Variants in IGFALS observed in about 807,000 individuals in gnomAD.
The protein encoded by IGFALS is insulin like growth factor binding protein acid labile subunit, also known as insulin-like growth factor-binding protein complex acid labile subunit.
IGFALS carries 2 observed loss-of-function variants against 2.6 expected under a neutral mutation model. The observed-to-expected ratio is 0.77, with a 90% CI of 0.32 to 2.44. The LOEUF (loss-of-function observed/expected upper bound fraction) is 2.44. Among genes scored for constraint, IGFALS ranks in the 30% most tolerant of loss-of-function variants. IGFALS has a pLI of 0.11. For synonymous variants in IGFALS, 519 were observed against 431.9 expected (o/e 1.20, Z -2.50); for missense variants, 996 against 848.7 (o/e 1.17, Z -2.16).
upstream of IGFALS, among the ~76,000 whole-genome samples, chr16:1,794,282 G>A (rs1897290057): frequency 1.3e-5 from 2 of 152,298 alleles, no homozygotes; most frequent in East Asian, 1.9e-4. Context: ...TGACCCCAGG[G>A]GCGCTGGTGT....
rs149363538 is a variant in IGFALS, at chr16:1,791,974, C to T, written c.444G>A (p.Leu148=). 3.3e-4 allele frequency: 536 copies of T among 1,603,322 alleles called. No individual in the cohort carries two copies. The highest frequency in any genetic ancestry group is 4.5e-4 in the Non-Finnish European group (528 of 1,176,842). The change falls in exon 2 of 2, where the codon CTG becomes CTA. Residue 148 remains leucine (L), a synonymous_variant. Transcript: ENST00000215539. Reference sequence around the variant, plus strand: ...GGTTGTTGCTGAGGCCGAGCGAGGCCAGCGCGGGCGTGTGTGCAAACGTGC... The same window carrying T: ...GGTTGTTGCTGAGGCCGAGCGAGGCTAGCGCGGGCGTGTGTGCAAACGTGC... The part of the protein sequence containing the change: ...ALGTFAHTPA[L]ASLGLSNNRL...
rs1897206409 is a variant in IGFALS at position 1,790,915 on chromosome 16, G to A, written c.1503C>T (p.Leu501=). 6.3e-7 allele frequency: 1 copy of A among 1,588,992 alleles called. No individual in the cohort carries two copies. The highest frequency in any genetic ancestry group is 8.5e-7 in the Non-Finnish European group (1 of 1,173,890). Residue 501 remains leucine (L), a synonymous_variant, in exon 2 of 2, where the codon CTC becomes CTT. Transcript: ENST00000215539. Reference sequence around the variant, plus strand: ...AGCGCAGCCGCCCCAGTGGTGCCAAGAGGCTGTTGGGCAATGCCTCCAGGC... The same window carrying A: ...AGCGCAGCCGCCCCAGTGGTGCCAAAAGGCTGTTGGGCAATGCCTCCAGGC... The part of the protein sequence containing the change: ...HNRLEALPNS[L]LAPLGRLRYL...
chr16:1,793,549 TG>T (rs1444556312), intron 1 of IGFALS, 87 bp downstream of exon 1: 11 of 1,337,490 alleles, frequency 8.2e-6, no homozygotes, highest in African/African-American at 1.5e-5. Flanking sequence ...AGAGCTTCCT[TG>T]GGGGCTACCC....
rs757471986 is a variant in IGFALS, at chr16:1,792,408, G to T, written c.17-7C>A. On this transcript the variant is annotated splice_region_variant and splice_polypyrimidine_tract_variant and intron_variant, in intron 1 of 1. Transcript: ENST00000215539. Reference sequence around the variant, plus strand: ...AGCGCCAGGGCCAGGCCTCCTGCGGGGGGAGAGGCTTGGGGAGGCGGCCCG... The same window carrying T: ...AGCGCCAGGGCCAGGCCTCCTGCGGTGGGAGAGGCTTGGGGAGGCGGCCCG... The T allele has an allele frequency of 2.6e-6, 4 of 1,557,908 alleles. No individual in the cohort carries two copies. In the East Asian group the frequency reaches 6.8e-5, roughly 26 times the overall value.
intron 1 of IGFALS, among the ~76,000 whole-genome samples, chr16:1,792,923 A>C (rs1008978342): frequency 6.6e-6 from 1 of 152,148 alleles, no homozygotes; most frequent in African/African-American, 2.4e-5. Flanking sequence ...ACCTGCCTGC[A>C]TCCAGGCCTT....
chr16:1,792,202 G>A lies in IGFALS; in HGVS notation c.216C>T (p.Val72=). The part of the protein sequence containing the change: ...SRNLTRLPDG[V]PGGTQALWLD... ...GCCACAGGGCTTGGGTGCCGCCCGG[G>A]ACTCCATCAGGCAGGCGCGTGAGGT... is the stretch of plus-strand genomic sequence containing the variant. The change falls in exon 2 of 2, where the codon GTC becomes GTT. Residue 72 remains valine (V), a synonymous_variant. Coordinates refer to ENST00000215539, the MANE Select transcript of IGFALS (RefSeq NM_004970.3). 2.5e-6 allele frequency: 4 copies of A among 1,610,298 alleles called. No individual in the cohort carries two copies. The highest frequency in any genetic ancestry group is 3.4e-6 in the Non-Finnish European group (4 of 1,179,714).
Position 1,791,517 on chromosome 16 carries a change from C to G in IGFALS, c.901G>C (p.Ala301Pro). 1 of 1,601,434 alleles carries G rather than the reference C, an allele frequency of 6.2e-7. No homozygotes were observed. The highest frequency in any genetic ancestry group is 8.5e-7 in the Non-Finnish European group (1 of 1,175,080). ...GTGCGGGGCCGCAGGCTGGCGATGG[C>G]GTTGTGGGACAGCCGCAGCACACGC... ...GLRVLRLSHN[A>P]IASLRPRTFK... The change falls in exon 2 of 2, where the codon GCC becomes CCC. Residue 301 changes from alanine to proline, a missense_variant. Transcript: ENST00000215539.
chr16:1,791,795 T>A lies in IGFALS; in HGVS notation c.623A>T (p.Tyr208Phe), dbSNP rs145588770. The A allele has an allele frequency of 2.6e-6, 4 of 1,548,624 alleles. No individual in the cohort carries two copies. Among genetic ancestry groups the A allele is most frequent in the South Asian group, 1.2e-5 (1 of 84,692 alleles). The change falls in exon 2 of 2, where the codon TAC (tyrosine) becomes TTC (phenylalanine). Residue 208 changes from tyrosine (Y) to phenylalanine (F), a missense_variant. Coordinates refer to ENST00000215539, the MANE Select transcript of IGFALS (RefSeq NM_004970.3). ...ELVLAGNRLA[Y>F]LQPALFSGLA... ...GCCGCTGAAGAGCGCGGGCTGCAGG[T>A]AGGCCAGCCTGTTGCCCGCCAGCAC...
upstream of IGFALS, chr16:1,794,718 C>A (rs551936469): frequency 2.2e-5 from 14 of 638,114 alleles, no homozygotes; most frequent in East Asian, 2.5e-4. Context: ...GCCCACCAGT[C>A]CCTCGGCAGT....
rs1897204927 is a variant in IGFALS at position 1,790,865 on chromosome 16, A to G, written c.1553T>C (p.Leu518Pro). 1.9e-6 allele frequency: 3 copies of G among 1,568,558 alleles called. No individual in the cohort carries two copies. Among genetic ancestry groups the G allele is most frequent in the Non-Finnish European group, 2.6e-6 (3 of 1,158,696 alleles). ...CGGGGGCTGCGGCGTGAAGGTCCGCAGTGAGTTGTTCCTGAGGCTGAGGTA... is the reference window on the plus strand; with the variant it reads ...CGGGGGCTGCGGCGTGAAGGTCCGCGGTGAGTTGTTCCTGAGGCTGAGGTA... ...LRYLSLRNNSLRTFTPQPPGL... is the reference protein window; with the variant it reads ...LRYLSLRNNSPRTFTPQPPGL... Residue 518 changes from leucine to proline, a missense_variant, in exon 2 of 2, where the codon CTG becomes CCG. Leu to Pro is a moderately conservative substitution (Grantham distance 98, BLOSUM62 -3). Transcript: ENST00000215539.
At position 1,791,495 on chromosome 16, in the gene IGFALS, C is replaced by A. The variant is rs201622145; in HGVS notation, c.923G>T (p.Arg308Leu). The A allele has an allele frequency of 6.2e-7, 1 of 1,609,826 alleles. No homozygotes were observed. Among genetic ancestry groups the A allele is most frequent in the African/African-American group, 1.3e-5 (1 of 74,876 alleles). The change falls in exon 2 of 2, where the codon CGC becomes CTC. Residue 308 changes from arginine to leucine, a missense_variant. Arg to Leu is a moderately radical substitution (Grantham distance 102). Coordinates refer to ENST00000215539, the MANE Select transcript of IGFALS (RefSeq NM_004970.3). ...CAGGAAGTGCAGGTCCTTGAAGGTG[C>A]GGGGCCGCAGGCTGGCGATGGCGTT... ...SHNAIASLRP[R>L]TFKDLHFLEE...
At chr16:1,792,865 AGGGAGCT>A (rs1219370775) in intron 1 of IGFALS, among the ~76,000 whole-genome samples, 1 of 152,226 alleles carries the variant, frequency 6.6e-6, no homozygotes, top group African/African-American at 2.4e-5. Context: ...GAGGCTGGAC[AGGGAGCT>A]GGGCACCTCC....
Position 1,792,270 on chromosome 16 carries a change from C to G in IGFALS, c.148G>C (p.Asp50His), listed in dbSNP as rs144059303. ...ACGCTGAGCTCATCCGCGTCGTCAT[C>G]GTAGCTGCAGACACAGGCGGCCGGG... ...ACPAACVCSY[D>H]DDADELSVFC... Residue 50 changes from aspartate (D) to histidine (H), a missense_variant, in exon 2 of 2, where the codon GAT (aspartate) becomes CAT (histidine). Coordinates refer to ENST00000215539, the MANE Select transcript of IGFALS (RefSeq NM_004970.3). The G allele has an allele frequency of 1.9e-6, 3 of 1,600,804 alleles. No homozygotes were observed. Among genetic ancestry groups the G allele is most frequent in the Admixed American group, 3.3e-5 (2 of 59,970 alleles).
rs1897196534 is a variant in IGFALS at position 1,790,641 on chromosome 16, C to T, written c.1777G>A (p.Asp593Asn). 4 of 1,586,856 alleles carry T rather than the reference C, an allele frequency of 2.5e-6. No homozygotes were observed. Among genetic ancestry groups the T allele is most frequent in the Non-Finnish European group, 3.4e-6 (4 of 1,167,826 alleles). Residue 593 changes from aspartate (D) to asparagine (N), a missense_variant, in exon 2 of 2, where the codon GAC (aspartate) becomes AAC (asparagine). Physicochemically the swap from Asp to Asn is conservative, Grantham distance 23. Coordinates refer to ENST00000215539, the MANE Select transcript of IGFALS (RefSeq NM_004970.3). ...CASPPEVVGLDLRDLSEAHFA... is the reference protein window; with the variant it reads ...CASPPEVVGLNLRDLSEAHFA... ...TGGGCCTCGCTGAGGTCCCGCAGGT[C>T]GAGCCCCACGACCTCGGGCGGGCTG...
At position 1,790,694 on chromosome 16, in the gene IGFALS, G is replaced by C; in HGVS notation, c.1724C>G (p.Ala575Gly). ...ICEGDDCQPPAYTYNNITCAS... is the reference protein window; with the variant it reads ...ICEGDDCQPPGYTYNNITCAS... ...ACAGGTGATGTTGTTGTAGGTGTAC[G>C]CGGGCGGCTGGCAATCGTCCCCCTC... is the stretch of plus-strand genomic sequence containing the variant. Residue 575 changes from alanine to glycine, a missense_variant, in exon 2 of 2, where the codon GCG becomes GGG. Ala to Gly is a moderately conservative substitution (Grantham distance 60). Coordinates refer to ENST00000215539, the MANE Select transcript of IGFALS (RefSeq NM_004970.3). The C allele has an allele frequency of 1.2e-6, 2 of 1,607,966 alleles. No individual in the cohort carries two copies. Among genetic ancestry groups the C allele is most frequent in the Non-Finnish European group, 1.7e-6 (2 of 1,178,036 alleles).
chr16:1,792,045 A>G lies in IGFALS; in HGVS notation c.373T>C (p.Cys125Arg). 1.9e-6 allele frequency: 3 copies of G among 1,610,732 alleles called. No individual in the cohort carries two copies. Among genetic ancestry groups the G allele is most frequent in the Non-Finnish European group, 1.7e-6 (2 of 1,179,526 alleles). Residue 125 changes from cysteine (C) to arginine (R), a missense_variant, in exon 2 of 2, where the codon TGC becomes CGC. Physicochemically the swap from Cys to Arg is radical, Grantham distance 180. Transcript: ENST00000215539. ...PQALLGLENL[C>R]HLHLERNQLR... The stretch of plus-strand genomic sequence containing the variant: ...TGGTTCCGCTCCAGGTGCAGGTGGC[A>G]CAGGTTCTCTAGGCCCAGCAGCGCC...
chr16:1,791,799 CCA>C lies in IGFALS; in HGVS notation c.617_618del (p.Leu206ArgfsTer125). 1 of 1,548,820 alleles carries C rather than the reference CCA, an allele frequency of 6.5e-7. No individual in the cohort carries two copies. The highest frequency in any genetic ancestry group is 8.7e-7 in the Non-Finnish European group (1 of 1,149,692). ...LRELVLAGNR[L>X]AYLQPALFSG... ...CTGAAGAGCGCGGGCTGCAGGTAGG[CCA>C]GCCTGTTGCCCGCCAGCACCAGCTC... is the stretch of plus-strand genomic sequence containing the variant. On this transcript the variant is annotated frameshift_variant, in exon 2 of 2. Coordinates refer to ENST00000215539, the MANE Select transcript of IGFALS (RefSeq NM_004970.3). LOFTEE classifies it low-confidence loss of function (END_TRUNC).
chr16:1,790,512 C>A lies in IGFALS; in HGVS notation c.*88G>T, dbSNP rs1027602948. On this transcript the variant is annotated 3_prime_UTR_variant, in exon 2 of 2. Transcript: ENST00000215539. Reference sequence around the variant, plus strand: ...TGCGTCTTCCAGCAAGTGCACTGGGCAGGCCCCTGAGGACACTGAGGACCT... The same window carrying A: ...TGCGTCTTCCAGCAAGTGCACTGGGAAGGCCCCTGAGGACACTGAGGACCT... 2.6e-6 allele frequency: 3 copies of A among 1,152,902 alleles called. No individual in the cohort carries two copies. In the South Asian group the frequency reaches 4.0e-5, roughly 15 times the overall value. The allele number at this position is 1,152,902 out of a possible 1,614,324, so 71.4% of individuals were successfully genotyped here.
upstream of IGFALS, among the ~76,000 whole-genome samples, chr16:1,794,126 G>A (rs1188850685): frequency 6.6e-6 from 1 of 152,028 alleles, no homozygotes; most frequent in Non-Finnish European, 1.5e-5. Context: ...AGCCGTGTGG[G>A]GCTAAGGGGC....
Sources: allele counts gnomAD v4.1 joint callset (sites outside exome capture counted in the v4.1 genomes callset), GRCh38; gene constraint gnomAD v4.1.1; transcripts MANE v1.5; gene names NCBI Gene and HGNC (gene_info 2026-07-23, HGNC 2026-07-21).